The following PTCHD4 variants were observed in gnomAD, a reference collection of about 807,000 sequenced individuals.
PTCHD4 encodes the protein patched domain-containing protein 4.
PTCHD4 carries 33 observed loss-of-function variants against 58.1 expected under a neutral mutation model. The observed-to-expected ratio is 0.57, with a 90% CI of 0.43 to 0.76. The LOEUF (loss-of-function observed/expected upper bound fraction) is 0.76, where lower values mean the gene tolerates loss of function less well. PTCHD4 is among the 30% of genes least tolerant of loss of function. The probability of loss-of-function intolerance (pLI) is 0.00; values close to 1 mark genes in which losing one functional copy is unlikely to be tolerated. For missense variants in PTCHD4, 1,058 were observed against 1,027.1 expected (o/e 1.03, Z -0.41); for synonymous variants, 478 against 409.6 (o/e 1.17, Z -2.02).
chr6:48,104,101 T>C (rs1765666527), intron 1 of PTCHD4, among the ~76,000 whole-genome samples: 1 of 152,036 alleles, frequency 6.6e-6, no homozygotes, highest in East Asian at 1.9e-4. Flanking sequence ...ATACAGAGAA[T>C]GCCACAAAGA....
intron 1 of PTCHD4, among the ~76,000 whole-genome samples, chr6:48,090,043 A>G (rs949412098): frequency 2.6e-5 from 4 of 152,186 alleles, no homozygotes; most frequent in African/African-American, 9.7e-5. Flanking sequence ...AGTCCTTATC[A>G]CTAGATGTAG....
At chr6:48,005,432 C>T (rs1299510406) in intron 4 of PTCHD4, among the ~76,000 whole-genome samples, 1 of 152,212 alleles carries the variant, frequency 6.6e-6, no homozygotes, top group East Asian at 1.9e-4. Context: ...ACCCAGCTAA[C>T]TTAGGGATTA....
chr6:47,932,378 G>T (rs974918735), intron 4 of PTCHD4, among the ~76,000 whole-genome samples: 2 of 152,164 alleles, frequency 1.3e-5, no homozygotes, highest in Admixed American at 6.5e-5. Context: ...CAAAGATGGG[G>T]GCTAGAGGTG....
At chr6:47,972,771 T>C (rs941378551) in intron 4 of PTCHD4, among the ~76,000 whole-genome samples, 1 of 152,116 alleles carries the variant, frequency 6.6e-6, no homozygotes, top group African/African-American at 2.4e-5. Context: ...ATGTTAATGA[T>C]GATGCTTCTA....
At chr6:47,938,885 G>T (rs996378688) in intron 4 of PTCHD4, among the ~76,000 whole-genome samples, 1 of 152,120 alleles carries the variant, frequency 6.6e-6, no homozygotes, top group Non-Finnish European at 1.5e-5. Context: ...TAAAAGAGGG[G>T]CCAGGAAGAG....
intron 1 of PTCHD4, among the ~76,000 whole-genome samples, chr6:48,082,190 G>T (rs965911905): frequency 4.6e-5 from 7 of 152,146 alleles, no homozygotes; most frequent in African/African-American, 1.4e-4. Context: ...TTCTTCTGTA[G>T]CCAGCAGAGT....
chr6:47,913,267 T>C (rs752190659), intron 4 of PTCHD4, among the ~76,000 whole-genome samples: 5 of 152,068 alleles, frequency 3.3e-5, no homozygotes, highest in Non-Finnish European at 7.4e-5. Context: ...ATAATGACAG[T>C]GTCCCAGTGG....
rs1223923077 is a variant in PTCHD4 at position 47,878,511 on chromosome 6, G to A, written c.2324C>T (p.Ser775Leu). The A allele has an allele frequency of 3.7e-6, 6 of 1,613,432 alleles. No homozygotes were observed. The highest frequency in any genetic ancestry group is 5.1e-6 in the Non-Finnish European group (6 of 1,179,698). Residue 775 changes from serine (S) to leucine (L), a missense_variant, in exon 5 of 5, where the codon TCG becomes TTG. By Grantham distance (145) the Ser-to-Leu change is moderately radical. Coordinates refer to ENST00000339488, the MANE Select transcript of PTCHD4 (RefSeq NM_001384253.1). ...TTTGAACAGTGTGAAGGTCAGGTTC[G>A]AAGGCACAAATAGAAGGGGGACTAA... ...IGLVPLLFVP[S>L]NLTFTLFKCL...
At chr6:47,938,872 G>A (rs1349240003) in intron 4 of PTCHD4, among the ~76,000 whole-genome samples, 1 of 152,150 alleles carries the variant, frequency 6.6e-6, no homozygotes, top group Non-Finnish European at 1.5e-5. Flanking sequence ...AGCTACATAA[G>A]GATAAAAGAG....
chr6:47,964,836 A>G (rs1223883342), intron 4 of PTCHD4, among the ~76,000 whole-genome samples: 2 of 152,166 alleles, frequency 1.3e-5, no homozygotes, highest in East Asian at 1.9e-4. Context: ...AAGATACCCT[A>G]CTACAGCAGT....
intron 4 of PTCHD4, among the ~76,000 whole-genome samples, chr6:47,941,590 G>C (rs1025744965): frequency 6.6e-6 from 1 of 152,162 alleles, no homozygotes; most frequent in Non-Finnish European, 1.5e-5. Flanking sequence ...CAAAATTGAT[G>C]CCATCTAGAA....
chr6:48,026,373 C>T (rs1017665323), intron 3 of PTCHD4, among the ~76,000 whole-genome samples: 2 of 152,126 alleles, frequency 1.3e-5, no homozygotes, highest in African/African-American at 4.8e-5. Context: ...CTTTGTCCAT[C>T]TCCTTTTTGT....
intron 4 of PTCHD4, chr6:47,901,443 G>A (rs1371673417): frequency 1.2e-5 from 12 of 981,034 alleles, no homozygotes; most frequent in Non-Finnish European, 1.5e-5. Flanking sequence ...ATATTGCCAG[G>A]TAACCTCCTT....
chr6:48,009,945 G>A lies in PTCHD4; in HGVS notation c.418-831C>T, dbSNP rs190417061. Among the ~76,000 whole-genome samples, 109 of 152,328 alleles carry A rather than the reference G, an allele frequency of 7.2e-4. 2 individuals carry two copies. Among genetic ancestry groups the A allele is most frequent in the Non-Finnish European group, 2.9e-5 (2 of 68,034 alleles). On this transcript the variant is annotated intron_variant, in intron 3 of 4. Coordinates refer to ENST00000339488, the MANE Select transcript of PTCHD4 (RefSeq NM_001384253.1). ...GAAATTGGTAAGAGAAGCAATCACT[G>A]CTCTTTAAGGCACATGTATGTGGCC...
chr6:48,107,057 A>T (rs1375489454), intron 1 of PTCHD4, among the ~76,000 whole-genome samples: 6 of 152,154 alleles, frequency 3.9e-5, no homozygotes, highest in African/African-American at 9.7e-5. Context: ...TGCCATCCCC[A>T]TCAAGCTACC....
intron 4 of PTCHD4, among the ~76,000 whole-genome samples, chr6:47,915,326 T>C (rs1305678057): frequency 6.6e-6 from 1 of 152,198 alleles, no homozygotes; most frequent in Non-Finnish European, 1.5e-5. Flanking sequence ...GTTTATATTG[T>C]AATATTAACC....
chr6:48,049,754 G>A (rs573815580), intron 3 of PTCHD4, among the ~76,000 whole-genome samples: 4 of 151,974 alleles, frequency 2.6e-5, no homozygotes, highest in East Asian at 3.9e-4. Flanking sequence ...ATTCTTTGCT[G>A]GTTGAGCTAC....
intron 4 of PTCHD4, among the ~76,000 whole-genome samples, chr6:47,952,813 C>G (rs1218135120): frequency 6.6e-6 from 1 of 151,920 alleles, no homozygotes; most frequent in African/African-American, 2.4e-5. Flanking sequence ...TGCACAGTGA[C>G]AAAATCATCT....
At position 47,896,779 on chromosome 6, in the gene PTCHD4, G is replaced by A. The variant is rs1764540938; in HGVS notation, c.899-16843C>T. 2.0e-5 allele frequency among the ~76,000 whole-genome samples: 3 copies of A among 152,280 alleles called. 1 individual carries two copies. The South Asian group carries it at 6.2e-4, about 32-fold the overall frequency. ...AATCCCATTAACTCTCTGTGAGGCA[G>A]GCATATTACACTCTCCTCTCATTTA... is the stretch of plus-strand genomic sequence containing the variant. On this transcript the variant is annotated intron_variant, in intron 4 of 4. Coordinates refer to ENST00000339488, the MANE Select transcript of PTCHD4 (RefSeq NM_001384253.1).
Sources: gnomAD v4.1 joint callset for allele counts (sites outside exome capture counted in the v4.1 genomes callset) on GRCh38, gnomAD v4.1.1 for gene constraint, MANE v1.5 for transcripts, NCBI Gene and HGNC (gene_info 2026-07-23, HGNC 2026-07-21) for gene names.